U2AF2: variants seen among roughly 807,000 people sequenced by gnomAD.
U2AF2 encodes the protein splicing factor U2AF 65 kDa subunit.
Under a neutral mutation model 52.6 loss-of-function variants are expected in U2AF2, and 6 were observed. That is an observed-to-expected ratio of 0.11 (90% confidence interval 0.06 to 0.23). U2AF2 has a LOEUF of 0.23. Among genes scored for constraint, U2AF2 ranks in the 10% least tolerant of loss-of-function variants. The pLI, the probability that U2AF2 is intolerant of heterozygous loss-of-function variation, is 1.00. For missense variants in U2AF2, 222 were observed against 677.1 expected, an observed-to-expected ratio of 0.33 and a Z score of 7.46; for synonymous variants, 284 against 258.2, an observed-to-expected ratio of 1.10 and a Z score of -0.96.
chr19:55,668,370 G>T lies in U2AF2; in HGVS notation c.743-137G>T, dbSNP rs1600081804. The stretch of plus-strand genomic sequence containing the variant: ...GGTCAGATAAGGCTGGGGTGGGGTG[G>T]GCACGTGGCGACCCCTCCCTCGTCA... On this transcript the variant is annotated intron_variant, in intron 7 of 11. Coordinates refer to ENST00000308924, the MANE Select transcript of U2AF2 (RefSeq NM_007279.3). The surrounding 1 kb of genome is among the most constrained non-coding windows in gnomAD (Gnocchi z 5.5). 2.6e-6 allele frequency: 2 copies of T among 780,526 alleles called. No homozygotes were observed. The allele number at this position is 780,526 out of a possible 1,614,324, so 48.4% of individuals were successfully genotyped here. A position where few individuals can be genotyped will look rare whatever the true frequency, so the allele number is the denominator to read the frequency against.
In U2AF2 at chr19:55,667,029, G is replaced by A. The variant is rs144041621; in HGVS notation, c.743-1478G>A. On this transcript the variant is annotated intron_variant, in intron 7 of 11. Transcript: ENST00000308924. ...CTGGCCCATGGGGTGAGTGCCCGGT[G>A]TGTGTTCCTGCTCCCGGGCTGCTGC... 6.1e-3 allele frequency among the ~76,000 whole-genome samples: 928 copies of A among 152,316 alleles called. 5 individuals are homozygous for A. The highest frequency in any genetic ancestry group is 0.022 in the African/African-American group (896 of 41,558).
At chr19:55,661,511 C>T (rs1984195724) in intron 5 of U2AF2, among the ~76,000 whole-genome samples, 1 of 119,396 alleles carries the variant, frequency 8.4e-6, no homozygotes, top group South Asian at 2.3e-4. Flanking sequence ...CACACACACA[C>T]ACACACACAC....
chr19:55,657,250 C>T (rs1983852900), intron 1 of U2AF2, among the ~76,000 whole-genome samples: 1 of 152,208 alleles, frequency 6.6e-6, no homozygotes, highest in African/African-American at 2.4e-5. Context: ...GACCACAATA[C>T]AGTGTTTTGA....
chr19:55,659,514 C>T (rs1415299052), intron 2 of U2AF2, among the ~76,000 whole-genome samples, 169 bp downstream of exon 2: 1 of 151,302 alleles, frequency 6.6e-6, no homozygotes, highest in Non-Finnish European at 1.5e-5. Context: ...GTCTTGGATT[C>T]CGATTTTTTC....
intron 11 of U2AF2, chr19:55,670,871 C>T: frequency 6.3e-6 from 1 of 157,546 alleles, no homozygotes; most frequent in South Asian, 1.8e-4. Context: ...CCCTGGCTTC[C>T]CTGCTGAGCC....
chr19:55,673,778 TCCA>T (rs769792528), intron 11 of U2AF2, among the ~76,000 whole-genome samples, 153 bp from the exon 12 acceptor site: 30 of 152,234 alleles, frequency 2.0e-4, no homozygotes, highest in Non-Finnish European at 3.8e-4. Flanking sequence ...TTGGGTGAAC[TCCA>T]CCAAACCTGC....
At chr19:55,672,744 T>C (rs1475139819) in intron 11 of U2AF2, among the ~76,000 whole-genome samples, 1 of 152,054 alleles carries the variant, frequency 6.6e-6, no homozygotes, top group Non-Finnish European at 1.5e-5. Context: ...TTTTTTTTTT[T>C]TTGAGACAGA....
chr19:55,659,435 T>TGGGTCC (rs1213839648), intron 2 of U2AF2, 90 bp downstream of exon 2: 23 of 1,372,962 alleles, frequency 1.7e-5, no homozygotes, highest in Non-Finnish European at 1.9e-5. Flanking sequence ...TGTCTGTGTC[T>TGGGTCC]GGGTCCGGGC....
rs950958192 is a variant in U2AF2, at chr19:55,668,094, T to C, written c.743-413T>C. Among the ~76,000 whole-genome samples the C allele has an allele frequency of 3.3e-5, 5 of 152,120 alleles. No homozygotes were observed. On this transcript the variant is annotated intron_variant, in intron 7 of 11. Coordinates refer to ENST00000308924, the MANE Select transcript of U2AF2 (RefSeq NM_007279.3). This position sits in a 1 kb window ranked among gnomAD's most constrained non-coding sequence, Gnocchi z 5.5. ...CCCGCGCCCGGCCGGGACTGAGCTT[T>C]AATGGGAGCCTTGCCTGGGTGGCTG...
rs1224730530 is a variant in U2AF2 at position 55,663,791 on chromosome 19, CCCATGGCCTG to C, written c.742+48_742+57del. On this transcript the variant is annotated intron_variant, in intron 7 of 11. Coordinates refer to ENST00000308924, the MANE Select transcript of U2AF2 (RefSeq NM_007279.3). ...GGCCCCTTTCTCCCCCAGTCCTGTT[CCCATGGCCTG>C]TCCATCCCTTCAGCCCAGCTGGAGT... is the stretch of plus-strand genomic sequence containing the variant. 9.3e-6 allele frequency: 15 copies of C among 1,607,972 alleles called. No individual in the cohort carries two copies. The Middle Eastern group carries it at 8.3e-4, about 89-fold the overall frequency.
intron 4 of U2AF2, 99 bp from the exon 5 acceptor site, chr19:55,660,939 G>A (rs187065512): frequency 4.1e-5 from 61 of 1,486,492 alleles, no homozygotes; most frequent in Middle Eastern, 3.9e-4. Flanking sequence ...GAGCCTGTAG[G>A]AGCTTTCTGC....
At chr19:55,663,332 T>C (rs1984339450) in intron 6 of U2AF2, among the ~76,000 whole-genome samples, 1 of 152,196 alleles carries the variant, frequency 6.6e-6, no homozygotes, top group Non-Finnish European at 1.5e-5. Context: ...ACATCCCTTT[T>C]CAGCACTTTG....
intron 11 of U2AF2, among the ~76,000 whole-genome samples, chr19:55,671,171 A>C (rs1158077425): frequency 6.6e-6 from 1 of 152,134 alleles, no homozygotes. Context: ...GGTCTCCCGC[A>C]ATAATCTGGT....
intron 5 of U2AF2, among the ~76,000 whole-genome samples, chr19:55,661,499 G>GACACACACACACACACACAC: frequency 6.9e-6 from 1 of 145,200 alleles, no homozygotes; most frequent in Admixed American, 6.8e-5. Flanking sequence ...GGGAGACTTG[G>GACACACACACACACACACAC]ACACACACAC....
intron 4 of U2AF2, among the ~76,000 whole-genome samples, 189 bp from the exon 5 acceptor site, chr19:55,660,849 A>C (rs142812114): frequency 6.6e-6 from 1 of 152,216 alleles, no homozygotes; most frequent in Non-Finnish European, 1.5e-5. Flanking sequence ...GCCATTAGGA[A>C]GTGAGGCTTC....
chr19:55,672,818 T>C (rs916238872), intron 11 of U2AF2, among the ~76,000 whole-genome samples: 1 of 151,850 alleles, frequency 6.6e-6, no homozygotes, highest in African/African-American at 2.4e-5. Flanking sequence ...ATTTTTTTTG[T>C]ATTTTTAATA....
In U2AF2 at chr19:55,674,714, T is replaced by G. The variant is rs1037140382; in HGVS notation, c.*646T>G. On this transcript the variant is annotated 3_prime_UTR_variant, in exon 12 of 12. Transcript: ENST00000308924. ...ATTAAACATTTTGTTGTATTTTACT[T>G]TATGGAGCGGCTGTGTGTCCAGTAT... The G allele has an allele frequency of 3.3e-5, 5 of 152,348 alleles. No homozygotes were observed. Among genetic ancestry groups the G allele is most frequent in the African/African-American group, 1.2e-4 (5 of 41,458 alleles). The allele number at this position is 152,348 out of a possible 1,614,324, so 9.4% of individuals were successfully genotyped here. A position where few individuals can be genotyped will look rare whatever the true frequency, so the allele number is the denominator to read the frequency against.
intron 1 of U2AF2, chr19:55,658,828 C>T: frequency 5.5e-6 from 1 of 183,248 alleles, no homozygotes; most frequent in Non-Finnish European, 1.1e-5. Context: ...TGGGTCCCTT[C>T]AGGAAAACAT....
rs1985179819 is a variant in U2AF2 at position 55,674,596 on chromosome 19, CTT to C, written c.*530_*531del. 6.5e-6 allele frequency: 1 copy of C among 153,774 alleles called. No individual in the cohort carries two copies. The allele number at this position is 153,774 out of a possible 1,614,324, so 9.5% of individuals were successfully genotyped here. ...GTTTCTTACGTAGTTGATTTTTCCT[CTT>C]TAGTCTCCCCCGACCTGCGCCCAGC... On this transcript the variant is annotated 3_prime_UTR_variant, in exon 12 of 12. Coordinates refer to ENST00000308924, the MANE Select transcript of U2AF2 (RefSeq NM_007279.3).
Sources: gnomAD v4.1 joint callset for allele counts (sites outside exome capture counted in the v4.1 genomes callset) on GRCh38, gnomAD v4.1.1 for gene constraint, Gnocchi (gnomAD v3.1) non-coding constraint, MANE v1.5 for transcripts, NCBI Gene and HGNC (gene_info 2026-07-23, HGNC 2026-07-21) for gene names.